ARHGAP40: variants seen among roughly 807,000 people sequenced by gnomAD.
ARHGAP40 encodes the protein rho GTPase-activating protein 40.
A neutral mutation model predicts 73.5 loss-of-function variants in ARHGAP40; 43 were observed. The ratio of observed to expected loss-of-function variants is 0.58; its 90% confidence interval spans 0.46 to 0.75. The LOEUF is 0.75. Among genes scored for constraint, ARHGAP40 ranks in the 30% least tolerant of loss-of-function variants. The pLI, the probability that ARHGAP40 is intolerant of heterozygous loss-of-function variation, is 0.00. For missense variants in ARHGAP40, 734 were observed against 861.8 expected (o/e 0.85, Z 1.86); for synonymous variants, 300 against 352.8 (o/e 0.85, Z 1.68).
chr20:38,606,738 T>C (rs1403877826), intron 1 of ARHGAP40, among the ~76,000 whole-genome samples: 1 of 152,214 alleles, frequency 6.6e-6, no homozygotes, highest in Admixed American at 6.5e-5. Context: ...CAATCACCTT[T>C]ACAAGGTTCA....
At chr20:38,633,640 A>G (rs2088955114) in intron 5 of ARHGAP40, among the ~76,000 whole-genome samples, 1 of 152,224 alleles carries the variant, frequency 6.6e-6, no homozygotes. Flanking sequence ...AGGCTGTATT[A>G]TAAGCATCAA....
intron 1 of ARHGAP40, among the ~76,000 whole-genome samples, chr20:38,610,883 C>CTTTTTTTTTTTTTTTTTTTTT (rs60110231): frequency 1.4e-5 from 2 of 139,052 alleles, no homozygotes; most frequent in South Asian, 2.2e-4. Context: ...GATGTCTTTT[C>CTTTTTTTTTTTTTTTTTTTTT]TTTTTTTTTT....
chr20:38,633,118 G>A (rs979499891), intron 5 of ARHGAP40, among the ~76,000 whole-genome samples: 8 of 137,810 alleles, frequency 5.8e-5, no homozygotes, highest in South Asian at 2.3e-4. Context: ...GTGAGACTCC[G>A]TCTCAAAAAA....
Position 38,642,245 on chromosome 20 carries a change from G to T in ARHGAP40, c.1362+437G>T, listed in dbSNP as rs140303111. Among the ~76,000 whole-genome samples, 3 of 152,310 alleles carry T rather than the reference G, an allele frequency of 2.0e-5. No homozygotes were observed. In the East Asian group the frequency reaches 5.8e-4, roughly 29 times the overall value. On this transcript the variant is annotated intron_variant, in intron 10 of 14. Transcript: ENST00000373345. ...CTTTTGTTGTGGAAAGCATTGCATG[G>T]CACTGGTGTTCCATGCAGAACCAGT...
At chr20:38,612,083 C>G (rs1372967638) in intron 1 of ARHGAP40, among the ~76,000 whole-genome samples, 1 of 152,112 alleles carries the variant, frequency 6.6e-6, no homozygotes, top group Admixed American at 6.5e-5. Context: ...TTAATAAAAA[C>G]AACATTTTAT....
intron 1 of ARHGAP40, among the ~76,000 whole-genome samples, chr20:38,604,600 T>A (rs1377952281): frequency 6.6e-6 from 1 of 152,142 alleles, no homozygotes; most frequent in Non-Finnish European, 1.5e-5. Flanking sequence ...TTCATCATGT[T>A]GGTCAGGCTG....
exon 6 of ARHGAP40, chr20:38,634,621 A>C: frequency 3.8e-6 from 5 of 1,305,450 alleles, no homozygotes; most frequent in Non-Finnish European, 5.1e-6. Flanking sequence ...TATTAATAGA[A>C]GTTTACCGTC....
At chr20:38,610,363 CAG>C (rs2088797314) in intron 1 of ARHGAP40, among the ~76,000 whole-genome samples, 1 of 152,122 alleles carries the variant, frequency 6.6e-6, no homozygotes, top group South Asian at 2.1e-4. Flanking sequence ...TGTAACATCT[CAG>C]GGCATGGTGA....
chr20:38,617,086 T>C (rs574570811), intron 1 of ARHGAP40, among the ~76,000 whole-genome samples: 6 of 152,166 alleles, frequency 3.9e-5, no homozygotes, highest in South Asian at 2.1e-4. Context: ...TTCACCACTT[T>C]TGGGGGAAGC....
rs182515053 is a variant in ARHGAP40 at position 38,643,686 on chromosome 20, C to T, written c.1363-18C>T. On this transcript the variant is annotated intron_variant, in intron 10 of 14. Coordinates refer to ENST00000373345, the Ensembl canonical transcript of ARHGAP40. ...GGGATGGGCTGAGATTTGAGGGAGG[C>T]TCTGCACCCTTCCCTAGGCACTGCT... 1.5e-5 allele frequency: 20 copies of T among 1,304,634 alleles called. No individual in the cohort carries two copies. The Admixed American group carries it at 4.6e-4, about 30-fold the overall frequency. The allele number at this position is 1,304,634 out of a possible 1,614,324, so 80.8% of individuals were successfully genotyped here.
chr20:38,622,053 C>CA (rs201540874), intron 1 of ARHGAP40, among the ~76,000 whole-genome samples: 4,371 of 151,688 alleles, frequency 0.029, 238 homozygotes, highest in African/African-American at 0.1. Context: ...GACCTTGCCT[C>CA]AAAAAACAAA....
intron 1 of ARHGAP40, among the ~76,000 whole-genome samples, chr20:38,610,239 C>T: frequency 6.6e-6 from 1 of 151,740 alleles, no homozygotes; most frequent in Middle Eastern, 3.4e-3. Flanking sequence ...AAAGCTCCCC[C>T]CACTGTGCCA....
At chr20:38,614,150 T>G (rs570630539) in intron 1 of ARHGAP40, among the ~76,000 whole-genome samples, 26 of 152,322 alleles carry the variant, frequency 1.7e-4, no homozygotes, top group Non-Finnish European at 1.2e-4. Flanking sequence ...GGGGCACCAT[T>G]TACGTAGTCA....
chr20:38,624,713 CAG>C (rs2088890265), intron 2 of ARHGAP40, among the ~76,000 whole-genome samples: 1 of 152,152 alleles, frequency 6.6e-6, no homozygotes, highest in Non-Finnish European at 1.5e-5. Flanking sequence ...TTGTTCTCTC[CAG>C]TCAGGACTGG....
chr20:38,631,151 A>C (rs1262756722), intron 5 of ARHGAP40, among the ~76,000 whole-genome samples: 1 of 152,084 alleles, frequency 6.6e-6, no homozygotes. Flanking sequence ...ATCTCTACAA[A>C]AAATTTTTGA....
chr20:38,610,883 C>CT (rs60110231), intron 1 of ARHGAP40, among the ~76,000 whole-genome samples: 84,475 of 138,872 alleles, frequency 0.61, 29,222 homozygotes, highest in East Asian at 0.85. Context: ...GATGTCTTTT[C>CT]TTTTTTTTTT....
chr20:38,633,598 G>A (rs2088954746), intron 5 of ARHGAP40, among the ~76,000 whole-genome samples: 1 of 152,150 alleles, frequency 6.6e-6, no homozygotes. Context: ...AACCCCGGGG[G>A]ATGTGACTCC....
chr20:38,633,043 A>T (rs1372178333), intron 5 of ARHGAP40, among the ~76,000 whole-genome samples: 1 of 152,074 alleles, frequency 6.6e-6, no homozygotes, highest in Non-Finnish European at 1.5e-5. Flanking sequence ...GAATTGCTTG[A>T]ACCTGGGAGA....
chr20:38,636,482 C>T (rs146189481), intron 6 of ARHGAP40, among the ~76,000 whole-genome samples: 3,568 of 152,084 alleles, frequency 0.023, 133 homozygotes, highest in African/African-American at 0.08. Flanking sequence ...AGACCGGTCT[C>T]GAACTCCTGG....
Sources: allele counts gnomAD v4.1 joint callset (sites outside exome capture counted in the v4.1 genomes callset), GRCh38; gene constraint gnomAD v4.1.1; transcripts MANE v1.5; gene names NCBI Gene and HGNC (gene_info 2026-07-23, HGNC 2026-07-21).